Variants in RCOR1 observed in about 807,000 individuals in gnomAD.
RCOR1 encodes REST corepressor 1, also known as REST corepressor.
Under a neutral mutation model 64.0 loss-of-function variants are expected in RCOR1, and 12 were observed. The ratio of observed to expected loss-of-function variants is 0.19; its 90% CI spans 0.12 to 0.30. RCOR1 has a LOEUF of 0.30. Ranked by LOEUF, RCOR1 falls within the 10% of genes least tolerant of loss-of-function variation. The pLI, the probability that RCOR1 is intolerant of heterozygous loss-of-function variation, is 1.00. For missense variants in RCOR1, 502 were observed against 621.2 expected, an observed-to-expected ratio of 0.81 and a Z score of 2.04; for synonymous variants, 279 against 227.2, an observed-to-expected ratio of 1.23 and a Z score of -2.05.
chr14:102,726,004 G>A (rs1484369444), intron 11 of RCOR1, among the ~76,000 whole-genome samples: 4 of 152,188 alleles, frequency 2.6e-5, no homozygotes, highest in African/African-American at 7.2e-5. Flanking sequence ...AAGACGTCTG[G>A]CTGGAGAGGC....
intron 2 of RCOR1, among the ~76,000 whole-genome samples, chr14:102,674,841 G>A (rs1895106572): frequency 1.3e-5 from 2 of 152,064 alleles, no homozygotes; most frequent in African/African-American, 4.8e-5. Flanking sequence ...TTGGGAGGCC[G>A]AGGCGGGCGG....
At chr14:102,632,220 T>G (rs1234754321) in intron 2 of RCOR1, among the ~76,000 whole-genome samples, 30 of 10,226 alleles carry the variant, frequency 2.9e-3, no homozygotes, top group Admixed American at 0.014. Context: ...TTTGTTGGGT[T>G]TTTTTTTTTT....
intron 6 of RCOR1, among the ~76,000 whole-genome samples, chr14:102,709,522 A>G (rs2139986108): frequency 6.6e-6 from 1 of 152,344 alleles, no homozygotes; most frequent in South Asian, 2.1e-4. Flanking sequence ...TTTCAAATGA[A>G]AGAGTAACAT....
At chr14:102,649,700 T>A (rs1567421458) in intron 2 of RCOR1, 1 of 645,546 alleles carries the variant, frequency 1.5e-6, no homozygotes, top group Non-Finnish European at 1.9e-6. Flanking sequence ...ATTCTGGTGT[T>A]GTCCTAGTTG....
intron 2 of RCOR1, among the ~76,000 whole-genome samples, chr14:102,670,756 TA>T (rs1895017413): frequency 6.7e-6 from 1 of 149,034 alleles, no homozygotes; most frequent in Admixed American, 6.7e-5. Context: ...TATATATATA[TA>T]TTTATTTATT....
chr14:102,644,093 A>G (rs771622761), intron 2 of RCOR1, among the ~76,000 whole-genome samples: 3 of 152,212 alleles, frequency 2.0e-5, no homozygotes, highest in African/African-American at 7.2e-5. Flanking sequence ...TTGTGTTCAC[A>G]TGGTGGCTGG....
intron 2 of RCOR1, among the ~76,000 whole-genome samples, chr14:102,636,078 A>G (rs542024795): frequency 9.0e-4 from 136 of 151,798 alleles, no homozygotes; most frequent in Non-Finnish European, 1.4e-3. Flanking sequence ...GACTACAGGC[A>G]CCTGCCACCA....
intron 3 of RCOR1, 56 bp downstream of exon 3, chr14:102,682,034 G>A (rs1272759368): frequency 9.7e-6 from 12 of 1,234,232 alleles, no homozygotes; most frequent in Non-Finnish European, 1.3e-5. Flanking sequence ...AGGTTTTAAA[G>A]GTACCTTTGA....
At chr14:102,692,927 G>T (rs1171670256) in intron 3 of RCOR1, among the ~76,000 whole-genome samples, 2 of 151,704 alleles carry the variant, frequency 1.3e-5, no homozygotes, top group Non-Finnish European at 2.9e-5. Context: ...CACCACACCT[G>T]GCTAATTTTC....
At chr14:102,634,696 GTA>G (rs773628636) in intron 2 of RCOR1, among the ~76,000 whole-genome samples, 4 of 149,452 alleles carry the variant, frequency 2.7e-5, no homozygotes, top group East Asian at 2.0e-4. Flanking sequence ...ATATATGTGT[GTA>G]TATATATATA....
At position 102,646,955 on chromosome 14, in the gene RCOR1, A is replaced by G. The variant is rs191662608; in HGVS notation, c.362-34940A>G. ...TGAATACAAAAACAAAACAGAAGGGAATACTTTAGAGTTAATGGATTGGTT... is the reference window on the plus strand; with the variant it reads ...TGAATACAAAAACAAAACAGAAGGGGATACTTTAGAGTTAATGGATTGGTT... On this transcript the variant is annotated intron_variant, in intron 2 of 11. Transcript: ENST00000262241. Among the ~76,000 whole-genome samples, 455 of 152,356 alleles carry G rather than the reference A, an allele frequency of 3.0e-3. 2 individuals carry two copies. The highest frequency in any genetic ancestry group is 6.8e-3 in the Middle Eastern group (2 of 294).
Position 102,689,812 on chromosome 14 carries a change from C to CT in RCOR1, c.445+7834_445+7835insT, listed in dbSNP as rs1895496169. ...GGGCTAGAGTGCAGTGGCGCAATCT[C>CT]AGCTCACTGCAACCTCTGCCTCCCA... On this transcript the variant is annotated intron_variant, in intron 3 of 11. Coordinates refer to ENST00000262241, the MANE Select transcript of RCOR1 (RefSeq NM_015156.4). Among the ~76,000 whole-genome samples the CT allele has an allele frequency of 3.3e-5, 5 of 152,304 alleles. No individual in the cohort carries two copies. The East Asian group carries it at 9.6e-4, about 29-fold the overall frequency.
At chr14:102,632,522 T>C (rs759306878) in intron 2 of RCOR1, among the ~76,000 whole-genome samples, 44 of 152,226 alleles carry the variant, frequency 2.9e-4, no homozygotes, top group East Asian at 3.9e-4. Context: ...TGGTTTCTAA[T>C]AGAGAGCTTT....
At chr14:102,600,101 C>T (rs879777339) in intron 2 of RCOR1, among the ~76,000 whole-genome samples, 2 of 151,714 alleles carry the variant, frequency 1.3e-5, no homozygotes, top group East Asian at 1.9e-4. Context: ...TTTTTTGAGA[C>T]GGAGTCTCGC....
chr14:102,659,869 G>A (rs1409243453), intron 2 of RCOR1, among the ~76,000 whole-genome samples: 1 of 152,190 alleles, frequency 6.6e-6, no homozygotes, highest in African/African-American at 2.4e-5. Flanking sequence ...TGTGGGAGAA[G>A]ACAGCCATAG....
At chr14:102,595,957 C>T (rs1893233475) in intron 2 of RCOR1, among the ~76,000 whole-genome samples, 1 of 152,024 alleles carries the variant, frequency 6.6e-6, no homozygotes, top group Non-Finnish European at 1.5e-5. Context: ...CCTTGTTTTG[C>T]CAACCTAAGC....
At chr14:102,620,609 C>G (rs1475281607) in intron 2 of RCOR1, among the ~76,000 whole-genome samples, 3 of 152,112 alleles carry the variant, frequency 2.0e-5, no homozygotes, top group African/African-American at 7.2e-5. Flanking sequence ...GTGGTCACAG[C>G]TATTTGGGAG....
intron 2 of RCOR1, among the ~76,000 whole-genome samples, chr14:102,601,956 C>G (rs528827560): frequency 1.4e-4 from 21 of 151,970 alleles, no homozygotes; most frequent in African/African-American, 5.1e-4. Context: ...ATCAGGAGTT[C>G]GAGACCAGCC....
intron 2 of RCOR1, among the ~76,000 whole-genome samples, chr14:102,676,175 T>G (rs566986244): frequency 8.0e-5 from 12 of 150,804 alleles, no homozygotes; most frequent in African/African-American, 2.9e-4. Context: ...CGCCTTTCTA[T>G]TCCACAAAAC....
Sources: allele counts gnomAD v4.1 joint callset (sites outside exome capture counted in the v4.1 genomes callset), GRCh38; gene constraint gnomAD v4.1.1; transcripts MANE v1.5; gene names NCBI Gene and HGNC (gene_info 2026-07-23, HGNC 2026-07-21).